The following CDC42BPA variants were observed in gnomAD, a reference collection of about 807,000 sequenced individuals.
CDC42BPA encodes serine/threonine-protein kinase MRCK alpha.
Under a neutral mutation model 223.5 loss-of-function variants are expected in CDC42BPA, and 80 were observed. That is an observed-to-expected ratio of 0.36 (90% CI 0.30 to 0.43). The LOEUF (loss-of-function observed/expected upper bound fraction) is 0.43, where lower values mean the gene tolerates loss of function less well. Ranked by LOEUF, CDC42BPA falls within the 20% of genes least tolerant of loss-of-function variation. The pLI is 1.00. For missense variants in CDC42BPA, 1,743 were observed against 2,099.9 expected, an observed-to-expected ratio of 0.83 and a Z score of 3.32; for synonymous variants, 694 against 718.6, an observed-to-expected ratio of 0.97 and a Z score of 0.55.
At position 227,282,505 on chromosome 1, in the gene CDC42BPA, G is replaced by GCA. The variant is rs1224532354; in HGVS notation, c.179-28352_179-28351dup. On this transcript the variant is annotated intron_variant, in intron 1 of 36. Transcript: ENST00000366766. ...TCAAAAAGACAGCAGAATTCCTCTA[G>GCA]CACACACTGCAGCAGCAACAGGCTC... Among the ~76,000 whole-genome samples the GCA allele has an allele frequency of 5.3e-5, 8 of 152,322 alleles. No homozygotes were observed. The East Asian group carries it at 1.3e-3, about 26-fold the overall frequency.
chr1:227,272,183 G>A (rs966498976), intron 1 of CDC42BPA, among the ~76,000 whole-genome samples: 1 of 152,086 alleles, frequency 6.6e-6, no homozygotes, highest in Non-Finnish European at 1.5e-5. Flanking sequence ...TAGGAGAAAA[G>A]CCAAGAAAAC....
rs562976671 is a variant in CDC42BPA, at chr1:226,990,402, A to C, written c.*3866T>G. 5 of 152,344 alleles carry C rather than the reference A, an allele frequency of 3.3e-5. No homozygotes were observed. Among genetic ancestry groups the C allele is most frequent in the African/African-American group, 1.2e-4 (5 of 41,574 alleles). The allele number at this position is 152,344 out of a possible 1,614,324, so 9.4% of individuals were successfully genotyped here. ...AAGTGCACAGAGAACTCTGGACTTG[A>C]GTAACAAAGTCATAAGGAAAGAGAT... On this transcript the variant is annotated 3_prime_UTR_variant, in exon 37 of 37. Coordinates refer to ENST00000366766, the MANE Select transcript of CDC42BPA (RefSeq NM_001394014.1).
intron 10 of CDC42BPA, among the ~76,000 whole-genome samples, chr1:227,138,868 C>T (rs1247972509): frequency 6.6e-6 from 1 of 152,012 alleles, no homozygotes; most frequent in Non-Finnish European, 1.5e-5. Flanking sequence ...ATGACTATGG[C>T]TGACCAGAGA....
chr1:227,288,415 T>C (rs1410807846), intron 1 of CDC42BPA, among the ~76,000 whole-genome samples: 1 of 151,912 alleles, frequency 6.6e-6, no homozygotes, highest in Admixed American at 6.6e-5. Flanking sequence ...TAAAATGATA[T>C]CGGCCAGGTG....
intron 34 of CDC42BPA, among the ~76,000 whole-genome samples, chr1:227,006,100 C>T (rs995798848): frequency 3.3e-5 from 5 of 152,116 alleles, no homozygotes; most frequent in Non-Finnish European, 7.3e-5. Flanking sequence ...CATCTTTTAA[C>T]ACTCATAAGG....
intron 1 of CDC42BPA, among the ~76,000 whole-genome samples, chr1:227,316,469 C>G (rs993109527): frequency 6.6e-6 from 1 of 152,182 alleles, no homozygotes; most frequent in Admixed American, 6.5e-5. Flanking sequence ...ATCTTACAAA[C>G]ATAATTTTTG....
At chr1:227,131,344 A>G (rs887377388) in intron 10 of CDC42BPA, among the ~76,000 whole-genome samples, 4 of 152,168 alleles carry the variant, frequency 2.6e-5, no homozygotes, top group African/African-American at 7.2e-5. Context: ...TCCATTCTAC[A>G]TTGCAAGTGT....
rs887928267 is a variant in CDC42BPA, at chr1:227,294,691, T to C, written c.178+22314A>G. 5.8e-5 allele frequency among the ~76,000 whole-genome samples: 6 copies of C among 102,630 alleles called. 1 individual carries two copies. The highest frequency in any genetic ancestry group is 2.3e-4 in the African/African-American group (6 of 25,758). The allele number at this position is 102,630 out of a possible 152,430, so 67.3% of individuals were successfully genotyped here. ...CTGGCTAACAAGGTGAAACCCCGTC[T>C]CTACTAAAAATACAAAAAATTAGCC... On this transcript the variant is annotated intron_variant, in intron 1 of 36. Coordinates refer to ENST00000366766, the MANE Select transcript of CDC42BPA (RefSeq NM_001394014.1).
At chr1:227,036,658 T>C (rs1670327669) in intron 24 of CDC42BPA, among the ~76,000 whole-genome samples, 1 of 152,140 alleles carries the variant, frequency 6.6e-6, no homozygotes, top group African/African-American at 2.4e-5. Context: ...CTCGATCTCC[T>C]GACCTCGTGA....
chr1:227,207,483 T>A (rs1572365724), intron 3 of CDC42BPA, among the ~76,000 whole-genome samples: 2 of 147,592 alleles, frequency 1.4e-5, no homozygotes, highest in African/African-American at 5.0e-5. Flanking sequence ...TCATCTAGCA[T>A]TAGGTATATC....
At chr1:227,241,439 A>G (rs1291398332) in intron 2 of CDC42BPA, among the ~76,000 whole-genome samples, 1 of 152,168 alleles carries the variant, frequency 6.6e-6, no homozygotes, top group Non-Finnish European at 1.5e-5. Flanking sequence ...TTGGAAACAA[A>G]TGTTCATCAA....
At chr1:227,041,796 C>G (rs972407738) in intron 23 of CDC42BPA, among the ~76,000 whole-genome samples, 5 of 152,116 alleles carry the variant, frequency 3.3e-5, no homozygotes, top group Admixed American at 1.3e-4. Flanking sequence ...GGATTTGACT[C>G]TAAGTAGAAC....
intron 35 of CDC42BPA, chr1:227,004,712 TG>T: frequency 4.3e-6 from 2 of 470,036 alleles, no homozygotes; most frequent in South Asian, 4.3e-5. Flanking sequence ...TCTCTATTAA[TG>T]TATGCTGTTT....
chr1:227,316,952 AATC>A (rs1214550750), intron 1 of CDC42BPA, 50 bp downstream of exon 1: 1 of 1,368,930 alleles, frequency 7.3e-7, no homozygotes, highest in Non-Finnish European at 1.0e-6. Flanking sequence ...ATACCAATTA[AATC>A]ATAATGACCA....
intron 10 of CDC42BPA, among the ~76,000 whole-genome samples, chr1:227,131,558 T>C (rs1657110352): frequency 6.6e-6 from 1 of 152,210 alleles, no homozygotes; most frequent in Non-Finnish European, 1.5e-5. Context: ...TGAATCTACT[T>C]AGCTCCTTTT....
At chr1:227,169,081 A>C (rs2149902644) in intron 5 of CDC42BPA, among the ~76,000 whole-genome samples, 1 of 143,830 alleles carries the variant, frequency 7.0e-6, no homozygotes, top group African/African-American at 2.6e-5. Context: ...GAAAATTTTC[A>C]TTTCAGATTT....
intron 2 of CDC42BPA, among the ~76,000 whole-genome samples, chr1:227,227,832 A>AT (rs1460612249): frequency 7.4e-6 from 1 of 135,350 alleles, no homozygotes; most frequent in African/African-American, 2.8e-5. Flanking sequence ...CAAGGTCCAT[A>AT]TTAAAAAAAA....
In CDC42BPA at chr1:227,112,655, T is replaced by C; in HGVS notation, c.1890+16A>G. On this transcript the variant is annotated intron_variant, in intron 13 of 36. Transcript: ENST00000366766. Reference sequence around the variant, plus strand: ...CACTATCCCATGGGCACTACAAAATTTGCCTGACTACTAACCTCTTTTTTG... The same window carrying C: ...CACTATCCCATGGGCACTACAAAATCTGCCTGACTACTAACCTCTTTTTTG... The C allele has an allele frequency of 6.2e-7, 1 of 1,611,060 alleles. No individual in the cohort carries two copies. The highest frequency in any genetic ancestry group is 8.5e-7 in the Non-Finnish European group (1 of 1,178,750).
At chr1:227,056,793 C>T (rs548004972) in intron 21 of CDC42BPA, among the ~76,000 whole-genome samples, 1 of 152,234 alleles carries the variant, frequency 6.6e-6, no homozygotes, top group Non-Finnish European at 1.5e-5. Flanking sequence ...AGTATAAACT[C>T]AAATCTTTTA....
Sources: gnomAD v4.1 joint callset for allele counts (sites outside exome capture counted in the v4.1 genomes callset) on GRCh38, gnomAD v4.1.1 for gene constraint, MANE v1.5 for transcripts, NCBI Gene and HGNC (gene_info 2026-07-23, HGNC 2026-07-21) for gene names.